SLC5A8: variants seen among roughly 807,000 people sequenced by gnomAD.
The protein encoded by SLC5A8 is sodium-coupled monocarboxylate transporter 1.
Under a neutral mutation model 71.9 loss-of-function variants are expected in SLC5A8, and 55 were observed. The ratio of observed to expected loss-of-function variants is 0.77; its 90% CI spans 0.62 to 0.96. The LOEUF (loss-of-function observed/expected upper bound fraction) is 0.96. Among genes scored for constraint, SLC5A8 ranks in the 40% least tolerant of loss-of-function variants. The probability of loss-of-function intolerance (pLI) is 0.00; values close to 1 mark genes in which losing one functional copy is unlikely to be tolerated. For missense variants in SLC5A8, 701 were observed against 745.3 expected (o/e 0.94, Z 0.69); for synonymous variants, 307 against 276.1 (o/e 1.11, Z -1.11).
At chr12:101,167,785 T>C (rs1047492611) in intron 11 of SLC5A8, among the ~76,000 whole-genome samples, 2 of 152,210 alleles carry the variant, frequency 1.3e-5, no homozygotes. Flanking sequence ...TATTGATCTC[T>C]TTTAAATCCT....
intron 3 of SLC5A8, among the ~76,000 whole-genome samples, chr12:101,198,143 A>T (rs1869273274): frequency 6.6e-6 from 1 of 152,046 alleles, no homozygotes. Context: ...AACACAAGGT[A>T]TCAAAATATA....
At chr12:101,208,080 T>C (rs1000183550) in intron 1 of SLC5A8, among the ~76,000 whole-genome samples, 2 of 152,084 alleles carry the variant, frequency 1.3e-5, no homozygotes, top group African/African-American at 2.4e-5. Flanking sequence ...ATTTTATTTC[T>C]TCTCACTATA....
intron 10 of SLC5A8, among the ~76,000 whole-genome samples, chr12:101,170,751 C>G (rs535630734): frequency 6.6e-6 from 1 of 152,152 alleles, no homozygotes; most frequent in Non-Finnish European, 1.5e-5. Context: ...AGACTGTCAC[C>G]AGGCACCCTT....
intron 5 of SLC5A8, among the ~76,000 whole-genome samples, chr12:101,192,971 CTTT>C (rs35246165): frequency 3.7e-4 from 46 of 125,918 alleles, no homozygotes; most frequent in East Asian, 9.7e-4. Context: ...TACCTTTTCT[CTTT>C]TTTTTTTTTT....
chr12:101,166,833 C>T, intron 11 of SLC5A8, 134 bp from the exon 12 acceptor site: 1 of 728,032 alleles, frequency 1.4e-6, no homozygotes. Context: ...ACGCTCTCTC[C>T]TCCCAAGATA....
intron 5 of SLC5A8, among the ~76,000 whole-genome samples, chr12:101,192,320 T>G (rs1296881330): frequency 6.6e-6 from 1 of 152,236 alleles, no homozygotes; most frequent in Non-Finnish European, 1.5e-5. Context: ...AATTAACACA[T>G]TGACCCTGTC....
rs911261162 is a variant in SLC5A8, at chr12:101,168,010, T to G, written c.1320+86A>C. On this transcript the variant is annotated intron_variant, in intron 11 of 14. Transcript: ENST00000536262. ...CAAGACAAGTAGCTAATGACAAATC[T>G]CAAAGGAACCAACTGAGAAAAAAGT... 2.3e-5 allele frequency: 30 copies of G among 1,281,732 alleles called. 1 individual carries two copies. The East Asian group carries it at 7.3e-4, about 31-fold the overall frequency. The allele number at this position is 1,281,732 out of a possible 1,614,324, so 79.4% of individuals were successfully genotyped here.
At chr12:101,202,023 C>A in intron 3 of SLC5A8, 141 bp downstream of exon 3, 1 of 797,676 alleles carries the variant, frequency 1.3e-6, no homozygotes, top group Non-Finnish European at 2.0e-6. Flanking sequence ...AGACACTGAA[C>A]CCATCCTGCC....
At chr12:101,172,482 G>A (rs753700871) in intron 10 of SLC5A8, among the ~76,000 whole-genome samples, 5 of 152,124 alleles carry the variant, frequency 3.3e-5, no homozygotes, top group African/African-American at 1.2e-4. Context: ...ACCCTTCAGC[G>A]TATCTGCCAG....
intron 3 of SLC5A8, among the ~76,000 whole-genome samples, chr12:101,196,325 A>T (rs1323889151): frequency 1.3e-5 from 2 of 152,238 alleles, no homozygotes; most frequent in African/African-American, 4.8e-5. Flanking sequence ...TATTTATCTA[A>T]GAAGTGGGGA....
chr12:101,202,087 T>C, intron 3 of SLC5A8, 77 bp downstream of exon 3: 1 of 1,401,776 alleles, frequency 7.1e-7, no homozygotes, highest in Non-Finnish European at 1.0e-6. Flanking sequence ...TCTCCCCATC[T>C]CCCCAAGGAG....
At chr12:101,195,382 G>C (rs997994980) in intron 3 of SLC5A8, among the ~76,000 whole-genome samples, 1 of 152,096 alleles carries the variant, frequency 6.6e-6, no homozygotes, top group African/African-American at 2.4e-5. Context: ...ACACAGATCT[G>C]ACACTGGCTT....
chr12:101,179,210 A>G (rs2051909236), intron 10 of SLC5A8, among the ~76,000 whole-genome samples: 1 of 152,224 alleles, frequency 6.6e-6, no homozygotes, highest in South Asian at 2.1e-4. Context: ...TGCTAGTGAT[A>G]TAAAAATGAC....
chr12:101,157,171 C>A lies in SLC5A8; in HGVS notation c.*108G>T. 1 of 1,325,494 alleles carries A rather than the reference C, an allele frequency of 7.5e-7. No individual in the cohort carries two copies. The highest frequency in any genetic ancestry group is 1.0e-6 in the Non-Finnish European group (1 of 990,578). The allele number at this position is 1,325,494 out of a possible 1,614,324, so 82.1% of individuals were successfully genotyped here. A position where few individuals can be genotyped will look rare whatever the true frequency, so the allele number is the denominator to read the frequency against. On this transcript the variant is annotated 3_prime_UTR_variant, in exon 15 of 15. Coordinates refer to ENST00000536262, the MANE Select transcript of SLC5A8 (RefSeq NM_145913.5). ...TTTTAACAAAAACTTATCCCCCAAA[C>A]ACTCATGATACAACACACACACACA...
intron 7 of SLC5A8, among the ~76,000 whole-genome samples, chr12:101,184,447 T>C (rs762515912): frequency 2.0e-5 from 3 of 152,228 alleles, no homozygotes; most frequent in Non-Finnish European, 2.9e-5. Context: ...GATACGGCTT[T>C]TGTAACTGAA....
At chr12:101,192,903 T>C (rs1868975571) in intron 5 of SLC5A8, among the ~76,000 whole-genome samples, 2 of 127,784 alleles carry the variant, frequency 1.6e-5, no homozygotes, top group South Asian at 4.7e-4. Flanking sequence ...TCTCTGTCTC[T>C]TTTTTTTTTT....
chr12:101,207,884 T>C (rs758896703), intron 1 of SLC5A8, among the ~76,000 whole-genome samples: 40 of 152,120 alleles, frequency 2.6e-4, no homozygotes, highest in Non-Finnish European at 4.3e-4. Context: ...AAGACATAAA[T>C]GCAGATAAAA....
At position 101,182,890 on chromosome 12, in the gene SLC5A8, A is replaced by G. The variant is rs1474832072; in HGVS notation, c.1078T>C (p.Leu360=). Residue 360 remains leucine, a synonymous_variant, in exon 9 of 15, where the codon TTA becomes CTA. Coordinates refer to ENST00000536262, the MANE Select transcript of SLC5A8 (RefSeq NM_145913.5). ...AGATCTTCCACAGTTACTGCTGCTAAGGCATTAATACTGGAGGACACTGTG... is the reference window on the plus strand; with the variant it reads ...AGATCTTCCACAGTTACTGCTGCTAGGGCATTAATACTGGAGGACACTGTG... The part of the protein sequence containing the change: ...LSTVSSSINA[L]AAVTVEDLIK... 3.8e-6 allele frequency: 6 copies of G among 1,592,118 alleles called. No homozygotes were observed. The Admixed American group carries it at 5.5e-5, about 14-fold the overall frequency.
intron 3 of SLC5A8, among the ~76,000 whole-genome samples, chr12:101,198,098 G>A (rs1869271261): frequency 6.6e-6 from 1 of 151,766 alleles, no homozygotes; most frequent in Admixed American, 6.6e-5. Flanking sequence ...AGAAATCACA[G>A]GAGAAGTTAG....
Sources: gnomAD v4.1 joint callset for allele counts (sites outside exome capture counted in the v4.1 genomes callset) on GRCh38, gnomAD v4.1.1 for gene constraint, MANE v1.5 for transcripts, NCBI Gene and HGNC (gene_info 2026-07-23, HGNC 2026-07-21) for gene names.